The following MTSS1 variants were observed in gnomAD, a reference collection of about 807,000 sequenced individuals.
MTSS1 encodes the protein MTSS I-BAR domain containing 1.
A neutral mutation model predicts 79.0 loss-of-function variants in MTSS1; 18 were observed. The observed-to-expected ratio is 0.23, with a 90% CI of 0.16 to 0.34. The LOEUF is 0.34. MTSS1 is among the 10% of genes least tolerant of loss of function. The probability of loss-of-function intolerance (pLI) is 1.00; values close to 1 mark genes in which losing one functional copy is unlikely to be tolerated. For synonymous variants in MTSS1, 341 were observed against 368.6 expected, an observed-to-expected ratio of 0.93 and a Z score of 0.86; for missense variants, 815 against 986.2, an observed-to-expected ratio of 0.83 and a Z score of 2.33.
intron 3 of MTSS1, among the ~76,000 whole-genome samples, chr8:124,643,700 A>C (rs1818482560): frequency 2.0e-5 from 1 of 48,904 alleles, no homozygotes; most frequent in Non-Finnish European, 3.0e-5. Context: ...TTCCGTCTCA[A>C]AAAAAAAAAA....
chr8:124,654,414 G>A (rs1820572802), intron 3 of MTSS1, among the ~76,000 whole-genome samples: 1 of 152,124 alleles, frequency 6.6e-6, no homozygotes, highest in Non-Finnish European at 1.5e-5. Flanking sequence ...CACGGTGAGA[G>A]GACTTTCTGA....
chr8:124,603,506 A>G (rs1205192264), intron 3 of MTSS1, among the ~76,000 whole-genome samples: 4 of 152,252 alleles, frequency 2.6e-5, no homozygotes, highest in Non-Finnish European at 5.9e-5. Flanking sequence ...GTCAGCACTC[A>G]GGATATTAAG....
At chr8:124,606,217 G>A (rs1398776829) in intron 3 of MTSS1, among the ~76,000 whole-genome samples, 1 of 147,830 alleles carries the variant, frequency 6.8e-6, no homozygotes, top group Non-Finnish European at 1.5e-5. Flanking sequence ...TTGTGGCCCA[G>A]GCTGGAGTAC....
intron 3 of MTSS1, among the ~76,000 whole-genome samples, chr8:124,633,643 G>A (rs571672512): frequency 9.2e-5 from 14 of 152,064 alleles, no homozygotes; most frequent in African/African-American, 3.1e-4. Context: ...GGTGGCACAC[G>A]CCTGTAATCC....
chr8:124,596,982 C>T (rs1173381783), intron 3 of MTSS1, among the ~76,000 whole-genome samples: 1 of 152,102 alleles, frequency 6.6e-6, no homozygotes, highest in Non-Finnish European at 1.5e-5. Context: ...TCAGCAAAGA[C>T]CCTGTGTCCA....
At chr8:124,617,652 C>T (rs780591743) in intron 3 of MTSS1, among the ~76,000 whole-genome samples, 10 of 152,306 alleles carry the variant, frequency 6.6e-5, no homozygotes, top group Admixed American at 1.3e-4. Flanking sequence ...AGCCCCACCA[C>T]AAGCCCCTGG....
intron 1 of MTSS1, among the ~76,000 whole-genome samples, chr8:124,710,922 G>A (rs1205690461): frequency 6.6e-6 from 1 of 152,200 alleles, no homozygotes; most frequent in Non-Finnish European, 1.5e-5. Context: ...GTAGGAACCA[G>A]GAGGGCAGAG....
intron 3 of MTSS1, among the ~76,000 whole-genome samples, chr8:124,687,079 G>C (rs942690913): frequency 1.1e-4 from 16 of 152,140 alleles, no homozygotes; most frequent in African/African-American, 3.6e-4. Context: ...GACCGAGGCT[G>C]GACTGAGCTC....
chr8:124,715,716 T>C (rs1384515629), intron 1 of MTSS1, among the ~76,000 whole-genome samples: 1 of 152,174 alleles, frequency 6.6e-6, no homozygotes, highest in African/African-American at 2.4e-5. Flanking sequence ...CCATTGAATG[T>C]CATTTTTCTT....
At chr8:124,558,022 G>C (rs1006970816) in intron 10 of MTSS1, 147 bp from the exon 11 acceptor site, 1 of 649,536 alleles carries the variant, frequency 1.5e-6, no homozygotes, top group South Asian at 2.2e-5. Flanking sequence ...TGCTGCTCAC[G>C]GATGATCTGT....
Position 124,727,629 on chromosome 8 carries a change from C to A in MTSS1, c.72+255G>T, listed in dbSNP as rs945112219. 12 of 639,166 alleles carry A rather than the reference C, an allele frequency of 1.9e-5. No homozygotes were observed. The highest frequency in any genetic ancestry group is 2.9e-5 in the Non-Finnish European group (10 of 344,476). The allele number at this position is 639,166 out of a possible 1,614,324, so 39.6% of individuals were successfully genotyped here. A position where few individuals can be genotyped will look rare whatever the true frequency, so the allele number is the denominator to read the frequency against. On this transcript the variant is annotated intron_variant, in intron 1 of 13. Transcript: ENST00000518547. This position sits in a 1 kb window ranked among gnomAD's most constrained non-coding sequence, Gnocchi z 4.7. Reference sequence around the variant, plus strand: ...CCCCCGAGGGAAAGAAATGGTGCCGCCCCCTGGGACAATGAGCGGGGGAGA... The same window carrying A: ...CCCCCGAGGGAAAGAAATGGTGCCGACCCCTGGGACAATGAGCGGGGGAGA...
chr8:124,637,033 C>G (rs3891178), intron 3 of MTSS1, among the ~76,000 whole-genome samples: 1 of 152,144 alleles, frequency 6.6e-6, no homozygotes, highest in African/African-American at 2.4e-5. Flanking sequence ...TTGCTGTGTG[C>G]CCTATATCTT....
chr8:124,608,781 C>T (rs767706736), intron 3 of MTSS1, among the ~76,000 whole-genome samples: 11 of 152,104 alleles, frequency 7.2e-5, no homozygotes, highest in Non-Finnish European at 1.2e-4. Context: ...GGCAGCTATG[C>T]GCTAGATGGA....
intron 1 of MTSS1, among the ~76,000 whole-genome samples, chr8:124,707,712 GAA>G (rs71289688): frequency 2.1e-5 from 3 of 141,402 alleles, no homozygotes; most frequent in African/African-American, 5.2e-5. Flanking sequence ...CATCTCAAAA[GAA>G]AAAAAAAAAA....
At chr8:124,590,009 AC>A (rs1434246529) in intron 4 of MTSS1, among the ~76,000 whole-genome samples, 1 of 152,034 alleles carries the variant, frequency 6.6e-6, no homozygotes, top group African/African-American at 2.4e-5. Flanking sequence ...GGAACACATC[AC>A]CATGCCCAAC....
chr8:124,623,742 C>T lies in MTSS1; in HGVS notation c.209-32507G>A, dbSNP rs558308825. Among the ~76,000 whole-genome samples, 76 of 152,248 alleles carry T rather than the reference C, an allele frequency of 5.0e-4. No homozygotes were observed. The South Asian group carries it at 0.012, about 25-fold the overall frequency. ...GCAACCTCTGCCTCCTGGGTTCAAG[C>T]GATTCTCCTGCCTCAGCCTCCTGGG... is the stretch of plus-strand genomic sequence containing the variant. On this transcript the variant is annotated intron_variant, in intron 3 of 13. Coordinates refer to ENST00000518547, the MANE Select transcript of MTSS1 (RefSeq NM_014751.6).
intron 3 of MTSS1, among the ~76,000 whole-genome samples, chr8:124,675,313 G>A (rs1028481484): frequency 3.9e-5 from 6 of 152,184 alleles, no homozygotes; most frequent in Non-Finnish European, 7.3e-5. Flanking sequence ...CAATGACTTG[G>A]CCTTGAGCAA....
intron 3 of MTSS1, among the ~76,000 whole-genome samples, chr8:124,620,661 T>C: frequency 6.6e-6 from 1 of 152,152 alleles, no homozygotes. Flanking sequence ...GTACACCGAT[T>C]TTATTGCTAG....
At chr8:124,599,146 CCA>C (rs1388014510) in intron 3 of MTSS1, among the ~76,000 whole-genome samples, 6 of 152,160 alleles carry the variant, frequency 3.9e-5, no homozygotes, top group African/African-American at 1.2e-4. Flanking sequence ...TCCCGTTCCC[CCA>C]CAGTGAAATT....
Sources: allele counts gnomAD v4.1 joint callset (sites outside exome capture counted in the v4.1 genomes callset), GRCh38; gene constraint gnomAD v4.1.1; non-coding constraint Gnocchi (gnomAD v3.1); transcripts MANE v1.5; gene names NCBI Gene and HGNC (gene_info 2026-07-23, HGNC 2026-07-21).